The following CHUK variants were observed in gnomAD, a reference collection of about 807,000 sequenced individuals.
CHUK encodes component of inhibitor of nuclear factor kappa B kinase complex.
CHUK carries 35 observed loss-of-function variants against 104.8 expected under a neutral mutation model. That is an observed-to-expected ratio of 0.33 (90% CI 0.26 to 0.44). CHUK has a LOEUF of 0.44. CHUK is among the 20% of genes least tolerant of loss of function. The pLI is 1.00. For synonymous variants in CHUK, 276 were observed against 291.9 expected (o/e 0.95, Z 0.56); for missense variants, 663 against 902.7 (o/e 0.73, Z 3.40).
intron 4 of CHUK, 145 bp from the exon 5 acceptor site, chr10:100,220,821 GT>G (rs1399649826): frequency 1.6e-6 from 1 of 623,068 alleles, no homozygotes; most frequent in Non-Finnish European, 2.8e-6. Flanking sequence ...CAGTGTCCAG[GT>G]TTTCTTCACA....
intron 9 of CHUK, among the ~76,000 whole-genome samples, chr10:100,215,828 T>G (rs927883068): frequency 9.9e-5 from 15 of 152,186 alleles, no homozygotes; most frequent in African/African-American, 3.4e-4. Context: ...GCTTCTGTAC[T>G]TTTGCTCATG....
In CHUK at chr10:100,198,042, G is replaced by A. The variant is rs577679607; in HGVS notation, c.1729+1929C>T. On this transcript the variant is annotated intron_variant, in intron 16 of 20. Transcript: ENST00000370397. ...AAGTTTTCTAAAATTCTTTTTGCTT[G>A]AAACATGGAATTTTATCATTGACAA... Among the ~76,000 whole-genome samples, 26 of 152,248 alleles carry A rather than the reference G, an allele frequency of 1.7e-4. No individual in the cohort carries two copies. In the South Asian group the frequency reaches 5.2e-3, roughly 30 times the overall value.
At chr10:100,227,876 T>A (rs1359923423) in intron 1 of CHUK, among the ~76,000 whole-genome samples, 1 of 152,198 alleles carries the variant, frequency 6.6e-6, no homozygotes, top group African/African-American at 2.4e-5. Flanking sequence ...TGAATTAACT[T>A]CTCTATTCAC....
intron 18 of CHUK, chr10:100,193,743 G>T: frequency 1.7e-6 from 1 of 596,992 alleles, no homozygotes. Context: ...AAGTTAGGTT[G>T]GAATACCACA....
intron 9 of CHUK, among the ~76,000 whole-genome samples, chr10:100,213,383 C>T (rs1024421472): frequency 1.3e-5 from 2 of 151,382 alleles, no homozygotes; most frequent in African/African-American, 4.9e-5. Context: ...ACGCGGGAGG[C>T]TGAGGCACGA....
At chr10:100,228,107 G>A (rs922363986) in intron 1 of CHUK, among the ~76,000 whole-genome samples, 4 of 152,174 alleles carry the variant, frequency 2.6e-5, no homozygotes, top group Non-Finnish European at 5.9e-5. Context: ...GTCAGGTACC[G>A]TATTTAGCTT....
Position 100,222,198 on chromosome 10 carries a change from A to G in CHUK, c.316-17T>C, listed in dbSNP as rs763534489. The G allele has an allele frequency of 1.3e-6, 2 of 1,500,764 alleles. No homozygotes were observed. Among genetic ancestry groups the G allele is most frequent in the Middle Eastern group, 1.7e-4 (1 of 5,782 alleles). 93.0% of individuals were successfully genotyped at this position (1,500,764 alleles called of 1,614,324 possible). ...GTTGAGCAGCTAAAAAAAGAAAGAA[A>G]TCTAAAAATCTGTTCTGCAAATTGC... On this transcript the variant is annotated splice_polypyrimidine_tract_variant and intron_variant, in intron 3 of 20. Transcript: ENST00000370397.
chr10:100,195,879 C>T (rs1589577246), intron 16 of CHUK: 3 of 152,200 alleles, frequency 2.0e-5, no homozygotes, highest in South Asian at 4.1e-4. Context: ...AAAAATATAA[C>T]CTAAACAAAT....
At chr10:100,221,247 C>A (rs1020208144) in intron 4 of CHUK, among the ~76,000 whole-genome samples, 1 of 151,972 alleles carries the variant, frequency 6.6e-6, no homozygotes. Context: ...CCAGCCTGGC[C>A]AACACAGTGA....
intron 1 of CHUK, among the ~76,000 whole-genome samples, chr10:100,227,787 C>T (rs1196636569): frequency 6.6e-6 from 1 of 152,170 alleles, no homozygotes; most frequent in Non-Finnish European, 1.5e-5. Flanking sequence ...ACTCCTATCT[C>T]CCCTTTCTCC....
chr10:100,197,239 C>T (rs7910533), intron 16 of CHUK, among the ~76,000 whole-genome samples: 11,164 of 152,200 alleles, frequency 0.073, 543 homozygotes, highest in African/African-American at 0.13. Context: ...AGTAAAAATA[C>T]AGTAGTATAA....
intron 19 of CHUK, among the ~76,000 whole-genome samples, chr10:100,192,218 TGTG>T (rs1282363364): frequency 6.6e-6 from 1 of 152,262 alleles, no homozygotes; most frequent in Non-Finnish European, 1.5e-5. Context: ...TTACCTGTAT[TGTG>T]GTGACATTTG....
At chr10:100,192,799 C>G in intron 19 of CHUK, 1 of 901,650 alleles carries the variant, frequency 1.1e-6, no homozygotes, top group South Asian at 4.9e-5. Flanking sequence ...TGATTTAAAA[C>G]ACTGAAAAAA....
In CHUK at chr10:100,209,604, T is replaced by C; in HGVS notation, c.1119A>G (p.Leu373=). The part of the protein sequence containing the change: ...DPRKPASQCV[L]DGVRGCDSYM... ...TAATTAATTTTCTTACAACTCCATC[T>C]AGAACACATTGAGAGGCTGGTTTCC... is the stretch of plus-strand genomic sequence containing the variant. The change falls in exon 10 of 21, where the codon CTA becomes CTG. Residue 373 remains leucine (L), a synonymous_variant. Coordinates refer to ENST00000370397, the MANE Select transcript of CHUK (RefSeq NM_001278.5). The C allele has an allele frequency of 1.3e-6, 2 of 1,595,656 alleles. No individual in the cohort carries two copies. The highest frequency in any genetic ancestry group is 1.7e-6 in the Non-Finnish European group (2 of 1,163,138).
In CHUK at chr10:100,223,494, C is replaced by T. The variant is rs182127227; in HGVS notation, c.201-514G>A. Among the ~76,000 whole-genome samples, 192 of 151,232 alleles carry T rather than the reference C, an allele frequency of 1.3e-3. 3 individuals carry two copies. Among genetic ancestry groups the T allele is most frequent in the African/African-American group, 4.1e-3 (169 of 41,216 alleles). On this transcript the variant is annotated intron_variant, in intron 2 of 20. Transcript: ENST00000370397. Reference sequence around the variant, plus strand: ...TCTCTACAAAAAATTAAAAATTAGCCGGGTGTGGTGGCGCATGCCTATAGT... The same window carrying T: ...TCTCTACAAAAAATTAAAAATTAGCTGGGTGTGGTGGCGCATGCCTATAGT...
At chr10:100,211,879 A>AT (rs56796436) in intron 9 of CHUK, among the ~76,000 whole-genome samples, 178 of 146,118 alleles carry the variant, frequency 1.2e-3, no homozygotes, top group East Asian at 2.4e-3. Context: ...TTACAGTTCT[A>AT]TTTTTTTTTT....
At chr10:100,218,686 G>A (rs372336412) in intron 8 of CHUK, 32 bp downstream of exon 8, 5 of 1,405,824 alleles carry the variant, frequency 3.6e-6, no homozygotes, top group Non-Finnish European at 4.0e-6. Flanking sequence ...TGGAGAAACT[G>A]AGGCAAACTT....
intron 13 of CHUK, among the ~76,000 whole-genome samples, chr10:100,202,851 T>C (rs1273434703): frequency 6.6e-6 from 1 of 151,970 alleles, no homozygotes; most frequent in Non-Finnish European, 1.5e-5. Context: ...GCAACCTCTA[T>C]CTCCAGGGCT....
In CHUK at chr10:100,219,066, C is replaced by T. The variant is rs1174137888; in HGVS notation, c.631G>A (p.Val211Ile). 1 of 1,613,772 alleles carries T rather than the reference C, an allele frequency of 6.2e-7. No individual in the cohort carries two copies. Among genetic ancestry groups the T allele is most frequent in the Admixed American group, 1.7e-5 (1 of 60,022 alleles). Residue 211 changes from valine (V) to isoleucine (I), a missense_variant, in exon 7 of 21, where the codon GTA (valine) becomes ATA (isoleucine). Val to Ile is a conservative substitution (Grantham distance 29). Coordinates refer to ENST00000370397, the MANE Select transcript of CHUK (RefSeq NM_001278.5). ...CTATATCCAGCAATACATTCAAATA[C>T]CATGGTCCCAAAGCTCCAATAATCA... is the stretch of plus-strand genomic sequence containing the variant. Reference protein sequence around the residue: ...TVDYWSFGTMVFECIAGYRPF... With the variant: ...TVDYWSFGTMIFECIAGYRPF...
Sources: gnomAD v4.1 joint callset for allele counts (sites outside exome capture counted in the v4.1 genomes callset) on GRCh38, gnomAD v4.1.1 for gene constraint, MANE v1.5 for transcripts, NCBI Gene and HGNC (gene_info 2026-07-23, HGNC 2026-07-21) for gene names.